Variants in SLC41A2 observed in about 807,000 individuals in gnomAD.
SLC41A2 encodes the protein SLC41A1-like 1.
A neutral mutation model predicts 58.3 loss-of-function variants in SLC41A2; 32 were observed. The ratio of observed to expected loss-of-function variants is 0.55; its 90% CI spans 0.41 to 0.74. The LOEUF is 0.74. Among genes scored for constraint, SLC41A2 ranks in the 30% least tolerant of loss-of-function variants. The pLI, the probability that SLC41A2 is intolerant of heterozygous loss-of-function variation, is 0.00. For missense variants in SLC41A2, 514 were observed against 680.6 expected (o/e 0.76, Z 2.72); for synonymous variants, 190 against 235.0 (o/e 0.81, Z 1.75).
At chr12:104,862,012 A>T (rs544757725) in intron 7 of SLC41A2, among the ~76,000 whole-genome samples, 56 of 152,242 alleles carry the variant, frequency 3.7e-4, no homozygotes, top group Non-Finnish European at 6.5e-4. Context: ...GAACTTGGAG[A>T]TTTTTCTAAG....
At chr12:104,947,641 A>G (rs960614507) in intron 1 of SLC41A2, among the ~76,000 whole-genome samples, 5 of 151,666 alleles carry the variant, frequency 3.3e-5, no homozygotes, top group African/African-American at 1.2e-4. Context: ...AATTACATAC[A>G]TATTTTACAT....
Position 104,928,047 on chromosome 12 carries a change from A to G in SLC41A2, c.481T>C (p.Leu161=), listed in dbSNP as rs745521202. The part of the protein sequence containing the change: ...LPKESSGIMA[L]QILVPFLLAG... ...AGCAAAAAGGGCACAAGTATTTGCA[A>G]TGCCATGATGCCACTGGATTCCTTT... Residue 161 remains leucine (L), a synonymous_variant, in exon 2 of 11, where the codon TTG becomes CTG. Transcript: ENST00000258538. 1.9e-6 allele frequency: 3 copies of G among 1,614,162 alleles called. No homozygotes were observed. The highest frequency in any genetic ancestry group is 2.5e-6 in the Non-Finnish European group (3 of 1,180,016).
rs2041638176 is a variant in SLC41A2 at position 104,821,529 on chromosome 12, C to T, written c.1537-16192G>A. ...ACAGTAAAATAGCTGAATGGTAGTC[C>T]CGCTAAATATAGTAGATGAATAATA... is the stretch of plus-strand genomic sequence containing the variant. On this transcript the variant is annotated intron_variant, in intron 10 of 10. Coordinates refer to ENST00000258538, the MANE Select transcript of SLC41A2 (RefSeq NM_001352171.3). Among the ~76,000 whole-genome samples the T allele has an allele frequency of 3.9e-5, 6 of 151,994 alleles. No homozygotes were observed. In the South Asian group the frequency reaches 1.2e-3, roughly 32 times the overall value.
chr12:104,935,410 T>C lies in SLC41A2; in HGVS notation c.-167-6716A>G, dbSNP rs189032555. Among the ~76,000 whole-genome samples, 149 of 152,278 alleles carry C rather than the reference T, an allele frequency of 9.8e-4. 1 individual carries two copies. Among genetic ancestry groups the C allele is most frequent in the African/African-American group, 3.1e-3 (128 of 41,560 alleles). On this transcript the variant is annotated intron_variant, in intron 1 of 10. Transcript: ENST00000258538. ...GTGATGTATATGTTAGTTATCTTGA[T>C]TGAATATTTTCTATAACGTATACGT...
At chr12:104,910,846 C>T (rs1262442757) in intron 2 of SLC41A2, among the ~76,000 whole-genome samples, 1 of 152,206 alleles carries the variant, frequency 6.6e-6, no homozygotes, top group Non-Finnish European at 1.5e-5. Flanking sequence ...GCAAAGCTGT[C>T]TCTTGTGGAG....
At chr12:104,869,259 A>G (rs1005058899) in intron 6 of SLC41A2, among the ~76,000 whole-genome samples, 1 of 152,212 alleles carries the variant, frequency 6.6e-6, no homozygotes, top group Non-Finnish European at 1.5e-5. Flanking sequence ...ACTGAATTGT[A>G]TACTTTAAAA....
chr12:104,828,325 C>G (rs549365411), intron 10 of SLC41A2, among the ~76,000 whole-genome samples: 1 of 152,340 alleles, frequency 6.6e-6, no homozygotes, highest in Admixed American at 6.5e-5. Context: ...CTGAGAGCTA[C>G]TTCCACTCAA....
At chr12:104,873,077 T>G (rs1447364882) in intron 6 of SLC41A2, among the ~76,000 whole-genome samples, 1 of 152,218 alleles carries the variant, frequency 6.6e-6, no homozygotes, top group African/African-American at 2.4e-5. Context: ...GTTATAACTA[T>G]AGTCCTCATG....
At chr12:104,869,979 T>A (rs2043679030) in intron 6 of SLC41A2, among the ~76,000 whole-genome samples, 1 of 152,224 alleles carries the variant, frequency 6.6e-6, no homozygotes, top group Non-Finnish European at 1.5e-5. Context: ...ATATTTTGTA[T>A]TAAAATCTGG....
chr12:104,869,182 G>A (rs2043631826), intron 6 of SLC41A2, among the ~76,000 whole-genome samples: 1 of 152,110 alleles, frequency 6.6e-6, no homozygotes, highest in Admixed American at 6.5e-5. Context: ...TCTGTTTGAG[G>A]TGATGAAAAT....
At chr12:104,923,624 T>C (rs1038434995) in intron 2 of SLC41A2, among the ~76,000 whole-genome samples, 2 of 151,776 alleles carry the variant, frequency 1.3e-5, no homozygotes, top group African/African-American at 2.4e-5. Flanking sequence ...AAATTAGAAA[T>C]GAAAAAGGAT....
intron 8 of SLC41A2, among the ~76,000 whole-genome samples, chr12:104,851,047 C>T (rs1460188385): frequency 1.3e-5 from 2 of 152,062 alleles, no homozygotes; most frequent in East Asian, 3.9e-4. Flanking sequence ...CTTCCATTTT[C>T]TAATCTGAAA....
chr12:104,864,428 TG>T (rs1445982524), intron 7 of SLC41A2, among the ~76,000 whole-genome samples: 3 of 152,234 alleles, frequency 2.0e-5, no homozygotes, highest in Non-Finnish European at 4.4e-5. Context: ...GTGTTGCTAC[TG>T]GACATCATTC....
rs2040815676 is a variant in SLC41A2 at position 104,804,303 on chromosome 12, T to A, written c.*849A>T. On this transcript the variant is annotated 3_prime_UTR_variant, in exon 11 of 11. Transcript: ENST00000258538. ...TCCAACAGCACTATGATCTTTGCTA[T>A]CAGCAATCCAAGATTTAGTTCTTCA... 6.6e-6 allele frequency: 1 copy of A among 152,044 alleles called. No homozygotes were observed. The highest frequency in any genetic ancestry group is 2.1e-4 in the South Asian group (1 of 4,830). The allele number at this position is 152,044 out of a possible 1,614,324, so 9.4% of individuals were successfully genotyped here. A position where few individuals can be genotyped will look rare whatever the true frequency, so the allele number is the denominator to read the frequency against.
intron 1 of SLC41A2, among the ~76,000 whole-genome samples, chr12:104,937,178 G>T (rs1446036459): frequency 6.6e-6 from 1 of 152,134 alleles, no homozygotes; most frequent in Non-Finnish European, 1.5e-5. Flanking sequence ...GTTTAACAAA[G>T]AAAAATATTT....
intron 2 of SLC41A2, among the ~76,000 whole-genome samples, chr12:104,915,315 A>T (rs903583860): frequency 6.6e-6 from 1 of 152,208 alleles, no homozygotes; most frequent in African/African-American, 2.4e-5. Flanking sequence ...TATGGAAAAA[A>T]TTTTTATTGT....
At chr12:104,839,402 T>C (rs1213051461) in intron 10 of SLC41A2, among the ~76,000 whole-genome samples, 1 of 152,040 alleles carries the variant, frequency 6.6e-6, no homozygotes, top group Non-Finnish European at 1.5e-5. Context: ...ATGAGTAAAA[T>C]AGTGGATAAG....
chr12:104,838,373 T>C (rs1271743527), intron 10 of SLC41A2, among the ~76,000 whole-genome samples: 2 of 152,224 alleles, frequency 1.3e-5, no homozygotes, highest in Non-Finnish European at 2.9e-5. Flanking sequence ...AGTTTTGTCA[T>C]GAGGGGCATT....
intron 4 of SLC41A2, among the ~76,000 whole-genome samples, chr12:104,891,054 A>G (rs986562366): frequency 6.6e-6 from 1 of 152,124 alleles, no homozygotes; most frequent in Non-Finnish European, 1.5e-5. Flanking sequence ...AAGCCTCAGG[A>G]AGAAAAAACC....
Sources: allele counts gnomAD v4.1 joint callset (sites outside exome capture counted in the v4.1 genomes callset), GRCh38; gene constraint gnomAD v4.1.1; transcripts MANE v1.5; gene names NCBI Gene and HGNC (gene_info 2026-07-23, HGNC 2026-07-21).